Variants in YEATS2 observed in about 807,000 individuals in gnomAD.
YEATS2 encodes the protein YEATS domain-containing protein 2.
Under a neutral mutation model 163.2 loss-of-function variants are expected in YEATS2, and 77 were observed. That is an observed-to-expected ratio of 0.47 (90% confidence interval 0.39 to 0.57). The LOEUF is 0.57. Ranked by LOEUF, YEATS2 falls within the 20% of genes least tolerant of loss-of-function variation. The pLI is 0.00. For missense variants in YEATS2, 1,549 were observed against 1,729.8 expected (o/e 0.90, Z 1.85); for synonymous variants, 631 against 645.1 (o/e 0.98, Z 0.33).
intron 15 of YEATS2, among the ~76,000 whole-genome samples, chr3:183,765,338 C>T (rs1721798178): frequency 6.6e-6 from 1 of 152,180 alleles, no homozygotes; most frequent in Admixed American, 6.5e-5. Flanking sequence ...TTTTTTGCCG[C>T]TTTGCATATT....
At chr3:183,772,923 T>C (rs1722629111) in intron 16 of YEATS2, among the ~76,000 whole-genome samples, 2 of 152,216 alleles carry the variant, frequency 1.3e-5, no homozygotes, top group African/African-American at 4.8e-5. Context: ...GTATAACCTA[T>C]GTACATCCTC....
intron 8 of YEATS2, among the ~76,000 whole-genome samples, chr3:183,737,730 G>T (rs1289670767): frequency 6.6e-6 from 1 of 152,184 alleles, no homozygotes; most frequent in African/African-American, 2.4e-5. Flanking sequence ...TGTGGTTTAT[G>T]GTGCAGCCAT....
intron 27 of YEATS2, among the ~76,000 whole-genome samples, chr3:183,804,862 G>A (rs1212602647): frequency 6.6e-6 from 1 of 151,990 alleles, no homozygotes; most frequent in Non-Finnish European, 1.5e-5. Context: ...GTGGCCGCAC[G>A]CCTGTGGTCC....
chr3:183,740,919 G>A (rs1718886041), intron 8 of YEATS2, among the ~76,000 whole-genome samples: 1 of 152,018 alleles, frequency 6.6e-6, no homozygotes, highest in African/African-American at 2.4e-5. Context: ...TTCTTGTTAG[G>A]GGCTGGTGAC....
Position 183,758,872 on chromosome 3 carries a change from A to G in YEATS2, c.1563A>G (p.Thr521=). 2 of 1,589,070 alleles carry G rather than the reference A, an allele frequency of 1.3e-6. No individual in the cohort carries two copies. The highest frequency in any genetic ancestry group is 4.5e-5 in the East Asian group (2 of 44,266). ...GATTPSTGSP[T]NKISTASQVS... is the part of the protein sequence containing the mutation. ...TGCCTTGCTTATCAGGAAGTCCTAC[A>G]AACAAGATCTCCACGGCTTCTCAGG... Residue 521 remains threonine, a synonymous_variant, in exon 13 of 31, where the codon ACA becomes ACG. Transcript: ENST00000305135.
chr3:183,807,921 C>G (rs759511317), intron 28 of YEATS2, 109 bp from the exon 29 acceptor site: 1 of 826,924 alleles, frequency 1.2e-6, no homozygotes, highest in Admixed American at 2.4e-5. Flanking sequence ...TTTGCAGAGT[C>G]CTCCTTCCAA....
chr3:183,729,458 C>T (rs1272470633), intron 7 of YEATS2, among the ~76,000 whole-genome samples: 1 of 152,030 alleles, frequency 6.6e-6, no homozygotes, highest in Non-Finnish European at 1.5e-5. Flanking sequence ...TTATGAATAT[C>T]AGAATGTAAC....
At chr3:183,810,092 C>G (rs1726643063) in intron 30 of YEATS2, 1 of 205,026 alleles carries the variant, frequency 4.9e-6, no homozygotes, top group Admixed American at 5.6e-5. Context: ...CACGCCTGGC[C>G]TGGCGTGGCT....
intron 15 of YEATS2, 113 bp downstream of exon 15, chr3:183,762,392 C>G (rs1370254599): frequency 3.0e-6 from 4 of 1,329,362 alleles, no homozygotes; most frequent in Non-Finnish European, 4.0e-6. Context: ...CCATAAGAAC[C>G]TGTGGGTGAA....
chr3:183,721,747 G>A, intron 4 of YEATS2, 144 bp from the exon 5 acceptor site: 1 of 1,034,494 alleles, frequency 9.7e-7, no homozygotes, highest in Non-Finnish European at 1.4e-6. Flanking sequence ...CTAAGGGGTT[G>A]GGATATCATT....
Position 183,786,272 on chromosome 3 carries a change from G to A in YEATS2, c.2884G>A (p.Ala962Thr), listed in dbSNP as rs772986755. Residue 962 changes from alanine (A) to threonine (T), a missense_variant, in exon 20 of 31, where the codon GCC becomes ACC. Physicochemically the swap from Ala to Thr is moderately conservative, Grantham distance 58. Transcript: ENST00000305135. ...VITTATSPAVALSANGPAQQS... is the reference protein window; with the variant it reads ...VITTATSPAVTLSANGPAQQS... ...CACAACTGCCACTTCCCCTGCCGTG[G>A]CCCTCTCAGCAAACGGTCCTGCACA... 4 of 1,613,504 alleles carry A rather than the reference G, an allele frequency of 2.5e-6. No homozygotes were observed. Among genetic ancestry groups the A allele is most frequent in the Non-Finnish European group, 2.5e-6 (3 of 1,179,704 alleles).
At chr3:183,718,021 A>G (rs1348747487) in intron 3 of YEATS2, among the ~76,000 whole-genome samples, 1 of 152,204 alleles carries the variant, frequency 6.6e-6, no homozygotes, top group East Asian at 1.9e-4. Flanking sequence ...GTCAACAATA[A>G]TTTATTGTAC....
chr3:183,806,295 TGG>T (rs768475612), intron 27 of YEATS2: 1 of 456,176 alleles, frequency 2.2e-6, no homozygotes, highest in African/African-American at 2.0e-5. Context: ...GGCCAGGAGC[TGG>T]GTGCCCTTAA....
In YEATS2 at chr3:183,730,052, GTTT is replaced by G. The variant is rs869091775; in HGVS notation, c.812+1234_812+1236del. 5.4e-3 allele frequency among the ~76,000 whole-genome samples: 225 copies of G among 41,598 alleles called. 4 individuals are homozygous for G. Among genetic ancestry groups the G allele is most frequent in the South Asian group, 0.014 (10 of 702 alleles). The allele number at this position is 41,598 out of a possible 152,430, so 27.3% of individuals were successfully genotyped here. A position where few individuals can be genotyped will look rare whatever the true frequency, so the allele number is the denominator to read the frequency against. On this transcript the variant is annotated intron_variant, in intron 7 of 30. Coordinates refer to ENST00000305135, the MANE Select transcript of YEATS2 (RefSeq NM_018023.5). ...ATATTAATTGTGTGGTTTTTTGTTT[GTTT>G]TTTTTTTTTTTTTTTTTTTTTTTTT... is the stretch of plus-strand genomic sequence containing the variant.
At chr3:183,791,972 GT>G (rs1225643816) in intron 21 of YEATS2, among the ~76,000 whole-genome samples, 1 of 152,152 alleles carries the variant, frequency 6.6e-6, no homozygotes, top group African/African-American at 2.4e-5. Context: ...GTTTAAATGA[GT>G]TTGTAATATA....
Position 183,724,507 on chromosome 3 carries a change from C to T in YEATS2, c.626C>T (p.Thr209Ile). Residue 209 changes from threonine to isoleucine, a missense_variant, in exon 6 of 31, where the codon ACA becomes ATA. Thr to Ile is a moderately conservative substitution (Grantham distance 89). Coordinates refer to ENST00000305135, the MANE Select transcript of YEATS2 (RefSeq NM_018023.5). ...DETSRLFVKK[T>I]IVVGNVSKYI... ...ACTTCACGACTTTTTGTAAAGAAAA[C>T]AATAGTAGTGGGCAATGTGTCCAAG... The T allele has an allele frequency of 6.2e-7, 1 of 1,612,566 alleles. No individual in the cohort carries two copies. The highest frequency in any genetic ancestry group is 1.7e-5 in the Admixed American group (1 of 59,928).
At chr3:183,715,534 T>G (rs551189505) in intron 2 of YEATS2, among the ~76,000 whole-genome samples, 2 of 152,304 alleles carry the variant, frequency 1.3e-5, no homozygotes, top group African/African-American at 4.8e-5. Context: ...AATCATAAAG[T>G]CTATGATATG....
chr3:183,698,171 G>C (rs1190643822), intron 1 of YEATS2, among the ~76,000 whole-genome samples, 178 bp downstream of exon 1: 1 of 152,150 alleles, frequency 6.6e-6, no homozygotes, highest in East Asian at 1.9e-4. Flanking sequence ...TCCCAGGTGC[G>C]GGCCGGGGAG....
intron 19 of YEATS2, among the ~76,000 whole-genome samples, chr3:183,785,072 CA>C (rs879758778): frequency 3.7e-4 from 54 of 146,910 alleles, no homozygotes; most frequent in African/African-American, 1.2e-3. Context: ...AACTCTGTCT[CA>C]AAAAAAAAAG....
Sources: gnomAD v4.1 joint callset for allele counts (sites outside exome capture counted in the v4.1 genomes callset) on GRCh38, gnomAD v4.1.1 for gene constraint, MANE v1.5 for transcripts, NCBI Gene and HGNC (gene_info 2026-07-23, HGNC 2026-07-21) for gene names.